Variants in AGFG1 observed in about 807,000 individuals in gnomAD.
The protein encoded by AGFG1 is arf-GAP domain and FG repeat-containing protein 1.
Under a neutral mutation model 60.6 loss-of-function variants are expected in AGFG1, and 10 were observed. The ratio of observed to expected loss-of-function variants is 0.16; its 90% CI spans 0.10 to 0.28. The LOEUF (loss-of-function observed/expected upper bound fraction) is 0.28, where lower values mean the gene tolerates loss of function less well. Among genes scored for constraint, AGFG1 ranks in the 10% least tolerant of loss-of-function variants. The pLI is 1.00. For missense variants in AGFG1, 537 were observed against 676.5 expected (o/e 0.79, Z 2.29); for synonymous variants, 247 against 242.9 (o/e 1.02, Z -0.16).
At chr2:227,501,817 A>T (rs553273534) in intron 2 of AGFG1, among the ~76,000 whole-genome samples, 1 of 151,982 alleles carries the variant, frequency 6.6e-6, no homozygotes, top group Admixed American at 6.5e-5. Context: ...ATTCACATTC[A>T]TATAAAGTAA....
rs920276248 is a variant in AGFG1, at chr2:227,539,079, C to T, written c.1378+2086C>T. On this transcript the variant is annotated intron_variant, in intron 10 of 12. Transcript: ENST00000310078. ...AAACAATACTTCGACAGATGCACTA[C>T]GCTTAAGAATTTCCAGTGTTTTATA... is the stretch of plus-strand genomic sequence containing the variant. 5.3e-5 allele frequency among the ~76,000 whole-genome samples: 8 copies of T among 152,290 alleles called. No individual in the cohort carries two copies. In the East Asian group the frequency reaches 9.6e-4, roughly 18 times the overall value.
chr2:227,509,769 G>T (rs1280114165), intron 2 of AGFG1, among the ~76,000 whole-genome samples: 1 of 152,016 alleles, frequency 6.6e-6, no homozygotes, highest in Admixed American at 6.6e-5. Flanking sequence ...TATACATGGT[G>T]GGGGTGGGTA....
intron 10 of AGFG1, among the ~76,000 whole-genome samples, chr2:227,539,746 C>CAA (rs71039604): frequency 0.011 from 681 of 64,720 alleles, 6 homozygotes; most frequent in Non-Finnish European, 0.014. Context: ...CTCTAGCTCA[C>CAA]AAAAAAAAAA....
chr2:227,542,552 T>C (rs1176644268), intron 10 of AGFG1, among the ~76,000 whole-genome samples: 1 of 152,242 alleles, frequency 6.6e-6, no homozygotes, highest in Non-Finnish European at 1.5e-5. Flanking sequence ...GCTGCTGGAT[T>C]TGGTTTGCCA....
chr2:227,524,864 T>G lies in AGFG1; in HGVS notation c.643T>G (p.Ser215Ala). Residue 215 changes from serine to alanine, a missense_variant, in exon 5 of 13, where the codon TCA becomes GCA. Transcript: ENST00000310078. ...CATCTTTGCTGCTCCAGCTCCTCAG[T>G]CAACAGCTACAGCCAATTTTGCTAA... ...SDIFAAPAPQ[S>A]TATANFANFA... 1 of 1,614,184 alleles carries G rather than the reference T, an allele frequency of 6.2e-7. No individual in the cohort carries two copies. The highest frequency in any genetic ancestry group is 8.5e-7 in the Non-Finnish European group (1 of 1,180,000).
At chr2:227,505,661 C>G (rs1691291152) in intron 2 of AGFG1, among the ~76,000 whole-genome samples, 1 of 152,094 alleles carries the variant, frequency 6.6e-6, no homozygotes, top group Admixed American at 6.6e-5. Context: ...TTCCATTTCT[C>G]TGCTCAGATT....
At chr2:227,546,917 G>A (rs1158931385) in intron 10 of AGFG1, among the ~76,000 whole-genome samples, 1 of 152,104 alleles carries the variant, frequency 6.6e-6, no homozygotes, top group Non-Finnish European at 1.5e-5. Flanking sequence ...TTACCAAAAT[G>A]CAGAGCTTAT....
rs568024413 is a variant in AGFG1 at position 227,524,873 on chromosome 2, A to G, written c.652A>G (p.Thr218Ala). 3.7e-6 allele frequency: 6 copies of G among 1,614,170 alleles called. No individual in the cohort carries two copies. Among genetic ancestry groups the G allele is most frequent in the Non-Finnish European group, 4.2e-6 (5 of 1,179,990 alleles). The stretch of plus-strand genomic sequence containing the variant: ...TGCTCCAGCTCCTCAGTCAACAGCT[A>G]CAGCCAATTTTGCTAACTTTGCACA... ...FAAPAPQSTA[T>A]ANFANFAHFN... The change falls in exon 5 of 13, where the codon ACA (threonine) becomes GCA (alanine). Residue 218 changes from threonine to alanine, a missense_variant. By Grantham distance (58) the Thr-to-Ala change is moderately conservative. Transcript: ENST00000310078.
chr2:227,478,990 G>T (rs1234016795), intron 1 of AGFG1, among the ~76,000 whole-genome samples: 3 of 152,128 alleles, frequency 2.0e-5, no homozygotes, highest in Non-Finnish European at 4.4e-5. Flanking sequence ...ACCAAGTACT[G>T]TACCAACTAT....
intron 1 of AGFG1, among the ~76,000 whole-genome samples, 197 bp downstream of exon 1, chr2:227,472,785 G>A (rs1690136448): frequency 6.6e-6 from 1 of 151,946 alleles, no homozygotes; most frequent in South Asian, 2.1e-4. Context: ...CAGCCGGGCT[G>A]GGGATGCGTT....
intron 2 of AGFG1, among the ~76,000 whole-genome samples, chr2:227,496,420 C>T (rs1400270977): frequency 1.4e-5 from 2 of 140,916 alleles, no homozygotes; most frequent in Admixed American, 7.5e-5. Context: ...CCAGCTTGGG[C>T]GATAGAGCGA....
rs891579108 is a variant in AGFG1 at position 227,506,663 on chromosome 2, A to G, written c.262-13285A>G. ...TGTAGTGTCTTAATAGACTTTGTCC[A>G]GAGTTTATAGTTGTTATCTGCTGGA... On this transcript the variant is annotated intron_variant, in intron 2 of 12. Transcript: ENST00000310078. Among the ~76,000 whole-genome samples the G allele has an allele frequency of 2.0e-5, 3 of 150,662 alleles. No homozygotes were observed. The Admixed American group carries it at 2.0e-4, about 10-fold the overall frequency.
Position 227,519,986 on chromosome 2 carries a change from A to C in AGFG1, c.300A>C (p.Arg100Ser). Reference sequence around the variant, plus strand: ...TTTGGCTAGGATTATTTGATGATAGATCTTCAGCAATTCCAGACTTCAGGG... The same window carrying C: ...TTTGGCTAGGATTATTTGATGATAGCTCTTCAGCAATTCCAGACTTCAGGG... ...KQIWLGLFDDRSSAIPDFRDP... is the reference protein window; with the variant it reads ...KQIWLGLFDDSSSAIPDFRDP... The change falls in exon 3 of 13, where the codon AGA becomes AGC. Residue 100 changes from arginine (R) to serine (S), a missense_variant. Arg to Ser is a moderately radical substitution (Grantham distance 110). Coordinates refer to ENST00000310078, the MANE Select transcript of AGFG1 (RefSeq NM_004504.5). The C allele has an allele frequency of 6.3e-7, 1 of 1,587,106 alleles. No homozygotes were observed. The highest frequency in any genetic ancestry group is 1.2e-5 in the South Asian group (1 of 86,118).
rs556962483 is a variant in AGFG1 at position 227,538,622 on chromosome 2, G to A, written c.1378+1629G>A. On this transcript the variant is annotated intron_variant, in intron 10 of 12. Transcript: ENST00000310078. ...ATATTCTCTTGCTGGCAGGTTTGTT[G>A]TAAAATTAGATGATGCACATTTACC... is the stretch of plus-strand genomic sequence containing the variant. Among the ~76,000 whole-genome samples, 81 of 152,306 alleles carry A rather than the reference G, an allele frequency of 5.3e-4. 1 individual carries two copies. Among genetic ancestry groups the A allele is most frequent in the African/African-American group, 1.9e-3 (80 of 41,556 alleles).
At chr2:227,494,520 C>G (rs549784986) in intron 2 of AGFG1, among the ~76,000 whole-genome samples, 2 of 152,270 alleles carry the variant, frequency 1.3e-5, no homozygotes, top group South Asian at 2.1e-4. Context: ...TTGGCAGCAG[C>G]CTTGGATCTT....
intron 2 of AGFG1, among the ~76,000 whole-genome samples, chr2:227,494,672 A>G (rs1319014016): frequency 6.6e-6 from 1 of 152,262 alleles, no homozygotes; most frequent in Non-Finnish European, 1.5e-5. Context: ...CCTGCATGCC[A>G]TATGCTATGA....
chr2:227,474,146 A>G (rs1690212209), intron 1 of AGFG1, among the ~76,000 whole-genome samples: 2 of 152,216 alleles, frequency 1.3e-5, no homozygotes, highest in South Asian at 4.1e-4. Context: ...AGCCTGGTTC[A>G]TGCATTTCAT....
At chr2:227,542,857 C>CA (rs1251140759) in intron 10 of AGFG1, among the ~76,000 whole-genome samples, 9 of 122,724 alleles carry the variant, frequency 7.3e-5, no homozygotes, top group African/African-American at 2.9e-4. Context: ...TTCAGGGATT[C>CA]AACTTCATCC....
At chr2:227,481,300 A>G (rs746678446) in intron 1 of AGFG1, among the ~76,000 whole-genome samples, 3 of 152,088 alleles carry the variant, frequency 2.0e-5, no homozygotes, top group Admixed American at 1.3e-4. Flanking sequence ...GGTCCCTAAC[A>G]AGAGTCTTCA....
Sources: gnomAD v4.1 joint callset for allele counts (sites outside exome capture counted in the v4.1 genomes callset) on GRCh38, gnomAD v4.1.1 for gene constraint, MANE v1.5 for transcripts, NCBI Gene and HGNC (gene_info 2026-07-23, HGNC 2026-07-21) for gene names.